AP1M2: variants seen among roughly 807,000 people sequenced by gnomAD.
AP1M2 encodes adaptor related protein complex 1 subunit mu 2.
In AP1M2, 41 loss-of-function variants were observed where a neutral mutation model predicts 54.6. That is an observed-to-expected ratio of 0.75 (90% confidence interval 0.59 to 0.97). The LOEUF is 0.97. Among genes scored for constraint, AP1M2 ranks in the 50% least tolerant of loss-of-function variants. AP1M2 has a pLI of 0.00. For missense variants in AP1M2, 507 were observed against 561.2 expected (o/e 0.90, Z 0.98); for synonymous variants, 219 against 215.9 (o/e 1.01, Z -0.13).
rs1917099397 is a variant in AP1M2 at position 10,572,796 on chromosome 19, C to T, written c.*270G>A. 1 of 393,760 alleles carries T rather than the reference C, an allele frequency of 2.5e-6. No individual in the cohort carries two copies. Among genetic ancestry groups the T allele is most frequent in the South Asian group, 4.6e-5 (1 of 21,672 alleles). The allele number at this position is 393,760 out of a possible 1,614,324, so 24.4% of individuals were successfully genotyped here. On this transcript the variant is annotated 3_prime_UTR_variant, in exon 12 of 12. Transcript: ENST00000250244. ...GCAGGTAATTGCAAGAAGGCACTCG[C>T]GAGGAGGACTTCAAGCCCCTCTTCT...
At chr19:10,578,339 A>T (rs73018644) in intron 8 of AP1M2, among the ~76,000 whole-genome samples, 1 of 151,732 alleles carries the variant, frequency 6.6e-6, no homozygotes, top group African/African-American at 2.4e-5. Context: ...AGATGGAGGC[A>T]GGCGTGGCGG....
chr19:10,581,390 G>A lies in AP1M2; in HGVS notation c.549C>T (p.Val183=), dbSNP rs774904217. 3 of 1,610,390 alleles carry A rather than the reference G, an allele frequency of 1.9e-6. No individual in the cohort carries two copies. The highest frequency in any genetic ancestry group is 2.7e-5 in the African/African-American group (2 of 74,994). ...TCAGAAGGACGCTGCCGTTGGCATT[G>A]ACCTGAGGGAGGACGTTGGGTATAG... ...IDVIESVNLL[V]NANGSVLLSE... The change falls in exon 6 of 12, where the codon GTC becomes GTT. Residue 183 remains valine, a splice_region_variant and synonymous_variant. Coordinates refer to ENST00000250244, the MANE Select transcript of AP1M2 (RefSeq NM_005498.5).
rs371169664 is a variant in AP1M2 at position 10,581,649 on chromosome 19, G to T, written c.399-15C>A. ...GAGTGATGTACCTGGAGGGAGGGCGGCAGGGACAAGCAGCTGGACCCAGGG... is the reference window on the plus strand; with the variant it reads ...GAGTGATGTACCTGGAGGGAGGGCGTCAGGGACAAGCAGCTGGACCCAGGG... On this transcript the variant is annotated splice_polypyrimidine_tract_variant and intron_variant, in intron 4 of 11. Coordinates refer to ENST00000250244, the MANE Select transcript of AP1M2 (RefSeq NM_005498.5). 91 of 1,613,482 alleles carry T rather than the reference G, an allele frequency of 5.6e-5. No homozygotes were observed. The South Asian group carries it at 8.9e-4, about 16-fold the overall frequency.
At chr19:10,577,496 C>T (rs1383836652) in intron 8 of AP1M2, 140 bp from the exon 9 acceptor site, 43 of 899,890 alleles carry the variant, frequency 4.8e-5, no homozygotes, top group Non-Finnish European at 5.4e-5. Context: ...TGCAGTGGCG[C>T]GATCTCGGCT....
rs1164911807 is a variant in AP1M2 at position 10,581,738 on chromosome 19, G to T, written c.398+10C>A. On this transcript the variant is annotated intron_variant, in intron 4 of 11. Transcript: ENST00000250244. ...GTCCAGCCCATGGCTGCCTCCAGGGGTCCACTCACTCCTGCAGGATCTTGC... is the reference window on the plus strand; with the variant it reads ...GTCCAGCCCATGGCTGCCTCCAGGGTTCCACTCACTCCTGCAGGATCTTGC... The T allele has an allele frequency of 2.5e-6, 4 of 1,613,064 alleles. No individual in the cohort carries two copies. The South Asian group carries it at 3.3e-5, about 13-fold the overall frequency.
At chr19:10,577,174 C>G in intron 9 of AP1M2, 24 bp downstream of exon 9, 2 of 1,566,308 alleles carry the variant, frequency 1.3e-6, no homozygotes, top group South Asian at 2.3e-5. Context: ...ACCCCCAGAT[C>G]CCCCGCCAGT....
chr19:10,579,870 A>G lies in AP1M2; in HGVS notation c.674-12T>C. On this transcript the variant is annotated splice_polypyrimidine_tract_variant and intron_variant, in intron 6 of 11. Transcript: ENST00000250244. Reference sequence around the variant, plus strand: ...TTTGTTCTTGCTGCCTGAAACTCAGAGTGGAGAGTGGAGAGTGACCCTGGG... The same window carrying G: ...TTTGTTCTTGCTGCCTGAAACTCAGGGTGGAGAGTGGAGAGTGACCCTGGG... The G allele has an allele frequency of 1.9e-6, 3 of 1,577,656 alleles. No individual in the cohort carries two copies. The highest frequency in any genetic ancestry group is 2.6e-6 in the Non-Finnish European group (3 of 1,158,134).
At chr19:10,576,013 T>C (rs1323550490) in intron 9 of AP1M2, among the ~76,000 whole-genome samples, 1 of 150,816 alleles carries the variant, frequency 6.6e-6, no homozygotes, top group East Asian at 2.0e-4. Context: ...GACCTCGTAA[T>C]CTGCCCGCCT....
intron 6 of AP1M2, among the ~76,000 whole-genome samples, chr19:10,581,024 C>T (rs557355962): frequency 3.9e-5 from 6 of 152,244 alleles, no homozygotes; most frequent in East Asian, 1.9e-4. Context: ...TGTAAGAACG[C>T]GGGTTTGTCT....
chr19:10,581,428 A>G, intron 5 of AP1M2, 36 bp from the exon 6 acceptor site: 2 of 1,610,250 alleles, frequency 1.2e-6, no homozygotes, highest in South Asian at 2.2e-5. Context: ...AGCAGGCATC[A>G]AACTCCGTCT....
At chr19:10,586,772 G>A (rs1917666650) in intron 1 of AP1M2, among the ~76,000 whole-genome samples, 1 of 152,128 alleles carries the variant, frequency 6.6e-6, no homozygotes, top group African/African-American at 2.4e-5. Context: ...AGGACTTCAG[G>A]AAGAGGCAAG....
intron 7 of AP1M2, 47 bp from the exon 8 acceptor site, chr19:10,579,010 CTCT>C: frequency 4.7e-6 from 5 of 1,074,192 alleles, no homozygotes; most frequent in Admixed American, 2.7e-5. Context: ...CATGTTGACT[CTCT>C]TCTTTTTTTT....
At chr19:10,580,594 C>T (rs565613387) in intron 6 of AP1M2, among the ~76,000 whole-genome samples, 13 of 152,194 alleles carry the variant, frequency 8.5e-5, no homozygotes, top group Middle Eastern at 3.4e-3. Context: ...ACCCAGGAGG[C>T]GGAGGTTGCA....
chr19:10,579,010 C>T (rs749949903), intron 7 of AP1M2, 47 bp from the exon 8 acceptor site: 2 of 1,074,196 alleles, frequency 1.9e-6, no homozygotes, highest in Non-Finnish European at 2.7e-6. Flanking sequence ...CATGTTGACT[C>T]TCTTCTTTTT....
chr19:10,581,264 A>G lies in AP1M2; in HGVS notation c.673+2T>C, dbSNP rs201916700. On this transcript the variant is annotated splice_donor_variant, in intron 6 of 11. Coordinates refer to ENST00000250244, the MANE Select transcript of AP1M2 (RefSeq NM_005498.5). LOFTEE classifies it high-confidence loss of function. The stretch of plus-strand genomic sequence containing the variant: ...CAGAAGAAAGGTCCCCTAAATGCTT[A>G]CGGCCAGTGAGCTCGAAGAGCACGC... The G allele has an allele frequency of 7.2e-4, 1,163 of 1,611,766 alleles. 1 individual carries two copies. Among genetic ancestry groups the G allele is most frequent in the Non-Finnish European group, 8.9e-4 (1,054 of 1,178,504 alleles).
intron 3 of AP1M2, among the ~76,000 whole-genome samples, 199 bp downstream of exon 3, chr19:10,583,407 G>A (rs568780272): frequency 6.6e-6 from 1 of 151,814 alleles, no homozygotes; most frequent in East Asian, 1.9e-4. Flanking sequence ...GGCCAAGGCA[G>A]TAGGATTGCT....
chr19:10,576,939 G>A (rs1393552025), intron 9 of AP1M2, among the ~76,000 whole-genome samples: 2 of 152,096 alleles, frequency 1.3e-5, no homozygotes. Context: ...GATTTCAGGC[G>A]TGAGCCACTG....
chr19:10,578,232 C>T lies in AP1M2; in HGVS notation c.888+660G>A, dbSNP rs1349426848. 5.3e-5 allele frequency among the ~76,000 whole-genome samples: 8 copies of T among 152,268 alleles called. No homozygotes were observed. In the South Asian group the frequency reaches 1.7e-3, roughly 32 times the overall value. On this transcript the variant is annotated intron_variant, in intron 8 of 11. Coordinates refer to ENST00000250244, the MANE Select transcript of AP1M2 (RefSeq NM_005498.5). ...AAATGGACAGGATAAGGGTCCCCAC[C>T]TTAGGATTGTGGAGGCCTGGGCTGA...
At position 10,573,051 on chromosome 19, in the gene AP1M2, C is replaced by T. The variant is rs1917109560; in HGVS notation, c.*15G>A. 1 of 1,562,598 alleles carries T rather than the reference C, an allele frequency of 6.4e-7. No homozygotes were observed. The highest frequency in any genetic ancestry group is 8.7e-7 in the Non-Finnish European group (1 of 1,153,130). On this transcript the variant is annotated 3_prime_UTR_variant, in exon 12 of 12. Coordinates refer to ENST00000250244, the MANE Select transcript of AP1M2 (RefSeq NM_005498.5). ...TAAGGAAGCCCCGTGTTCAAGCCCC[C>T]ATCTCTTCTCCCTTCTAGCTGGTAC...
Sources: allele counts gnomAD v4.1 joint callset (sites outside exome capture counted in the v4.1 genomes callset), GRCh38; gene constraint gnomAD v4.1.1; transcripts MANE v1.5; gene names NCBI Gene and HGNC (gene_info 2026-07-23, HGNC 2026-07-21).